Variants in EBF1 observed in about 807,000 individuals in gnomAD.
EBF1 encodes the protein transcription factor COE1.
Under a neutral mutation model 68.4 loss-of-function variants are expected in EBF1, and 10 were observed. The observed-to-expected ratio is 0.15, with a 90% CI of 0.09 to 0.25. The LOEUF (loss-of-function observed/expected upper bound fraction) is 0.25. EBF1 is among the 10% of genes least tolerant of loss of function. EBF1 has a pLI of 1.00. For synonymous variants in EBF1, 298 were observed against 299.8 expected (o/e 0.99, Z 0.06); for missense variants, 509 against 794.4 (o/e 0.64, Z 4.32).
At chr5:158,853,906 T>G (rs1431910005) in intron 6 of EBF1, among the ~76,000 whole-genome samples, 1 of 152,000 alleles carries the variant, frequency 6.6e-6, no homozygotes, top group Non-Finnish European at 1.5e-5. Context: ...AATCAATGAG[T>G]GAACTAGGCT....
chr5:159,014,310 A>G (rs1192726383), intron 6 of EBF1, among the ~76,000 whole-genome samples: 2 of 152,230 alleles, frequency 1.3e-5, no homozygotes, highest in Admixed American at 6.5e-5. Flanking sequence ...ATGTTTCTCT[A>G]GTGACTATGT....
chr5:158,726,736 G>A (rs549832753), intron 11 of EBF1, among the ~76,000 whole-genome samples: 3 of 152,332 alleles, frequency 2.0e-5, no homozygotes, highest in Admixed American at 1.3e-4. Context: ...CAGGTGTCAG[G>A]TGTCTGCAGA....
intron 6 of EBF1, among the ~76,000 whole-genome samples, chr5:158,947,909 C>T (rs1815131217): frequency 6.6e-6 from 1 of 152,210 alleles, no homozygotes; most frequent in African/African-American, 2.4e-5. Context: ...ATCCTTACTC[C>T]ATTAACAACC....
At chr5:158,927,027 T>C (rs1809848074) in intron 6 of EBF1, among the ~76,000 whole-genome samples, 1 of 152,204 alleles carries the variant, frequency 6.6e-6, no homozygotes, top group African/African-American at 2.4e-5. Context: ...CCTTCACCCA[T>C]AACTCAAGGC....
chr5:158,697,765 A>C lies in EBF1; in HGVS notation c.*1346T>G. 1 of 209,104 alleles carries C rather than the reference A, an allele frequency of 4.8e-6. No homozygotes were observed. 13.0% of individuals were successfully genotyped at this position (209,104 alleles called of 1,614,324 possible). A position where few individuals can be genotyped will look rare whatever the true frequency, so the allele number is the denominator to read the frequency against. Reference sequence around the variant, plus strand: ...CTTTGGCAAAAAATCACAAAAAAAAAATCTACAGTATTTATAACTACATAC... The same window carrying C: ...CTTTGGCAAAAAATCACAAAAAAAACATCTACAGTATTTATAACTACATAC... On this transcript the variant is annotated 3_prime_UTR_variant, in exon 16 of 16. Transcript: ENST00000313708.
intron 5 of EBF1, among the ~76,000 whole-genome samples, chr5:159,080,982 TTTG>T (rs1220325920): frequency 3.3e-5 from 5 of 152,300 alleles, no homozygotes; most frequent in East Asian, 3.9e-4. Context: ...AGTACATTTT[TTTG>T]TTGTTGTTGT....
At chr5:158,790,840 C>A (rs185931513) in intron 9 of EBF1, among the ~76,000 whole-genome samples, 6 of 152,244 alleles carry the variant, frequency 3.9e-5, no homozygotes, top group Non-Finnish European at 2.9e-5. Flanking sequence ...TAGGGAGATG[C>A]AGTTTTGTGG....
Position 158,731,138 on chromosome 5 carries a change from G to C in EBF1, c.1056C>G (p.Ile352Met). The change falls in exon 11 of 16, where the codon ATC becomes ATG. Residue 352 changes from isoleucine (I) to methionine (M), a missense_variant. Physicochemically the swap from Ile to Met is conservative, Grantham distance 10. Around this residue, in one of 3 missense-constraint regions of EBF1, gnomAD observed 230 missense variants for 467.7 expected, o/e 0.49. Coordinates refer to ENST00000313708, the MANE Select transcript of EBF1 (RefSeq NM_024007.5). ...TCTGTAACCTCTGGAAACCATAATC[G>C]ATGGTGGGTTCGTTGAGCGCTGCAA... ...FIYTALNEPT[I>M]DYGFQRLQKV... The C allele has an allele frequency of 6.2e-7, 1 of 1,613,998 alleles. No homozygotes were observed. The highest frequency in any genetic ancestry group is 8.5e-7 in the Non-Finnish European group (1 of 1,179,930).
chr5:159,051,331 G>GTCCCCTCTC (rs1773621011), intron 6 of EBF1, among the ~76,000 whole-genome samples: 1 of 148,846 alleles, frequency 6.7e-6, no homozygotes, highest in Non-Finnish European at 1.5e-5. Flanking sequence ...CTCCCACCCT[G>GTCCCCTCTC]TCCCCTCTCT....
At chr5:158,914,687 G>T (rs1346125896) in intron 6 of EBF1, among the ~76,000 whole-genome samples, 1 of 152,110 alleles carries the variant, frequency 6.6e-6, no homozygotes, top group Non-Finnish European at 1.5e-5. Context: ...CTGTGTGTGG[G>T]GCGGTAGGAG....
At chr5:158,854,242 TA>T (rs1304448895) in intron 6 of EBF1, among the ~76,000 whole-genome samples, 1 of 152,250 alleles carries the variant, frequency 6.6e-6, no homozygotes, top group African/African-American at 2.4e-5. Context: ...GTGCCCATTT[TA>T]AAATAAAAAC....
At chr5:158,844,481 T>C (rs1214481086) in intron 6 of EBF1, among the ~76,000 whole-genome samples, 1 of 152,210 alleles carries the variant, frequency 6.6e-6, no homozygotes, top group Admixed American at 6.5e-5. Context: ...AGTCATGGTA[T>C]GTGTTTTCCA....
At chr5:158,931,745 T>C (rs953970905) in intron 6 of EBF1, among the ~76,000 whole-genome samples, 1 of 152,172 alleles carries the variant, frequency 6.6e-6, no homozygotes, top group African/African-American at 2.4e-5. Context: ...TGTGCATTAA[T>C]GCCAGATGAG....
At chr5:159,033,578 C>T (rs1769394251) in intron 6 of EBF1, among the ~76,000 whole-genome samples, 1 of 152,164 alleles carries the variant, frequency 6.6e-6, no homozygotes, top group African/African-American at 2.4e-5. Flanking sequence ...ACAGTGAGAG[C>T]TCATGGCAAC....
At chr5:158,852,951 A>T (rs1469710185) in intron 6 of EBF1, among the ~76,000 whole-genome samples, 1 of 152,182 alleles carries the variant, frequency 6.6e-6, no homozygotes, top group East Asian at 1.9e-4. Context: ...TTGGTTGATC[A>T]TTTACAAAAA....
At chr5:158,962,546 T>C (rs1753228227) in intron 6 of EBF1, among the ~76,000 whole-genome samples, 1 of 152,200 alleles carries the variant, frequency 6.6e-6, no homozygotes, top group Admixed American at 6.5e-5. Context: ...AACCAGAGTG[T>C]CATTATAGAA....
intron 6 of EBF1, among the ~76,000 whole-genome samples, chr5:158,849,253 A>G (rs1792140055): frequency 6.6e-6 from 1 of 152,166 alleles, no homozygotes; most frequent in Non-Finnish European, 1.5e-5. Context: ...CAAAGTCCCT[A>G]ATAATGCCAA....
At chr5:158,962,729 A>G (rs1372076948) in intron 6 of EBF1, among the ~76,000 whole-genome samples, 1 of 152,218 alleles carries the variant, frequency 6.6e-6, no homozygotes, top group East Asian at 1.9e-4. Context: ...TAGAAGTCTG[A>G]GAGCAAGGTA....
chr5:158,976,912 T>C (rs1290698274), intron 6 of EBF1, among the ~76,000 whole-genome samples: 5 of 152,316 alleles, frequency 3.3e-5, no homozygotes, highest in East Asian at 1.9e-4. Flanking sequence ...TGAATGTCAA[T>C]TTAGGGTGGA....
Sources: allele counts gnomAD v4.1 joint callset (sites outside exome capture counted in the v4.1 genomes callset), GRCh38; gene constraint gnomAD v4.1.1; regional missense constraint gnomAD v4.1.1; transcripts MANE v1.5; gene names NCBI Gene and HGNC (gene_info 2026-07-23, HGNC 2026-07-21).